Variants in DIP2C observed in about 807,000 individuals in gnomAD.
The protein encoded by DIP2C is disco-interacting protein 2 homolog C.
Under a neutral mutation model 192.4 loss-of-function variants are expected in DIP2C, and 33 were observed. The observed-to-expected ratio is 0.17, with a 90% CI of 0.13 to 0.23. The LOEUF (loss-of-function observed/expected upper bound fraction) is 0.23. Ranked by LOEUF, DIP2C falls within the 10% of genes least tolerant of loss-of-function variation. The pLI, the probability that DIP2C is intolerant of heterozygous loss-of-function variation, is 1.00. For missense variants in DIP2C, 1,537 were observed against 2,110.1 expected (o/e 0.73, Z 5.32); for synonymous variants, 979 against 864.1 (o/e 1.13, Z -2.33).
At chr10:674,787 T>TAGAGAGAGAG (rs1222152605) in intron 1 of DIP2C, among the ~76,000 whole-genome samples, 27 of 81,518 alleles carry the variant, frequency 3.3e-4, no homozygotes, top group Admixed American at 1.6e-3. Flanking sequence ...TATATATATA[T>TAGAGAGAGAG]ATAGAGAGAG....
At position 333,940 on chromosome 10, in the gene DIP2C, GTCT is replaced by G. The variant is rs573283078; in HGVS notation, c.3585-4342_3585-4340del. Among the ~76,000 whole-genome samples the G allele has an allele frequency of 8.0e-4, 122 of 152,288 alleles. 1 individual carries two copies. Among genetic ancestry groups the G allele is most frequent in the African/African-American group, 2.8e-3 (117 of 41,570 alleles). On this transcript the variant is annotated intron_variant, in intron 29 of 36. Coordinates refer to ENST00000280886, the MANE Select transcript of DIP2C (RefSeq NM_014974.3). ...TCACGTCCTTATTGGCCATTTGTAT[GTCT>G]TCTTCTGGTGAGATATCTATTCAGA...
intron 1 of DIP2C, among the ~76,000 whole-genome samples, chr10:617,900 C>T (rs1352267155): frequency 6.6e-6 from 1 of 150,568 alleles, no homozygotes; most frequent in Non-Finnish European, 1.5e-5. Flanking sequence ...GCACTAATAC[C>T]TCGTTTACAG....
At chr10:390,902 T>C (rs1316949643) in intron 10 of DIP2C, 39 bp from the exon 11 acceptor site, 2 of 1,607,864 alleles carry the variant, frequency 1.2e-6, no homozygotes, top group African/African-American at 1.3e-5. Flanking sequence ...ATCCACGACC[T>C]GCCCCACTCC....
At chr10:326,041 C>A (rs184339207) in intron 31 of DIP2C, among the ~76,000 whole-genome samples, 2 of 151,830 alleles carry the variant, frequency 1.3e-5, no homozygotes, top group Non-Finnish European at 2.9e-5. Context: ...ATTAGCCAGG[C>A]GTGGTGGTGT....
At chr10:617,848 G>A (rs899675579) in intron 1 of DIP2C, among the ~76,000 whole-genome samples, 1 of 152,180 alleles carries the variant, frequency 6.6e-6, no homozygotes, top group Non-Finnish European at 1.5e-5. Flanking sequence ...TGTCTGGGAG[G>A]CTCAAAAACT....
At chr10:411,367 G>T (rs1965174024) in intron 8 of DIP2C, among the ~76,000 whole-genome samples, 1 of 152,192 alleles carries the variant, frequency 6.6e-6, no homozygotes, top group African/African-American at 2.4e-5. Flanking sequence ...TTTTTATTAA[G>T]ATTATGAAAT....
chr10:329,056 A>C (rs1168408804), intron 30 of DIP2C, among the ~76,000 whole-genome samples: 1 of 152,234 alleles, frequency 6.6e-6, no homozygotes, highest in Non-Finnish European at 1.5e-5. Flanking sequence ...GTGAGCGGCT[A>C]AATTCAAACC....
chr10:457,824 G>A (rs967544202), intron 3 of DIP2C, among the ~76,000 whole-genome samples: 1 of 152,172 alleles, frequency 6.6e-6, no homozygotes, highest in African/African-American at 2.4e-5. Flanking sequence ...CAAAGTGCTG[G>A]CATTACAGGC....
At chr10:504,713 C>A (rs1845466607) in intron 1 of DIP2C, among the ~76,000 whole-genome samples, 1 of 152,256 alleles carries the variant, frequency 6.6e-6, no homozygotes, top group South Asian at 2.1e-4. Context: ...TTTAGTACAT[C>A]TTACTGTTTC....
intron 1 of DIP2C, chr10:628,879 G>A (rs1854349144): frequency 6.6e-6 from 1 of 152,500 alleles, no homozygotes; most frequent in Non-Finnish European, 1.5e-5. Flanking sequence ...CCAGATGCCA[G>A]GGGCACCCCC....
intron 31 of DIP2C, chr10:311,477 G>C (rs899948520): frequency 8.2e-7 from 1 of 1,221,292 alleles, no homozygotes; most frequent in Non-Finnish European, 1.0e-6. Flanking sequence ...GGCTGGATGC[G>C]GGCAAGGCAG....
At chr10:519,638 C>T (rs1359938992) in intron 1 of DIP2C, among the ~76,000 whole-genome samples, 1 of 152,276 alleles carries the variant, frequency 6.6e-6, no homozygotes, top group Non-Finnish European at 1.5e-5. Context: ...GCCCAGCAGT[C>T]ACCTACACTG....
In DIP2C at chr10:354,921, C is replaced by G. The variant is rs181834460; in HGVS notation, c.2985+1505G>C. On this transcript the variant is annotated intron_variant, in intron 24 of 36. Transcript: ENST00000280886. ...CTGGGAGAGGACAAAGTCAGACAAG[C>G]AGAGATGGGCAGGAAATCAAGACAG... is the stretch of plus-strand genomic sequence containing the variant. Among the ~76,000 whole-genome samples, 12 of 151,788 alleles carry G rather than the reference C, an allele frequency of 7.9e-5. No homozygotes were observed. In the East Asian group the frequency reaches 2.3e-3, roughly 30 times the overall value.
At position 580,264 on chromosome 10, in the gene DIP2C, G is replaced by A. The variant is rs752288556; in HGVS notation, c.86-93734C>T. On this transcript the variant is annotated intron_variant, in intron 1 of 36. Coordinates refer to ENST00000280886, the MANE Select transcript of DIP2C (RefSeq NM_014974.3). ...ATACATGTGTAAAGTATGTACATAT[G>A]CAGTACATAGTGTATGTACATATGC... Among the ~76,000 whole-genome samples the A allele has an allele frequency of 2.6e-5, 4 of 152,086 alleles. No homozygotes were observed. The South Asian group carries it at 6.2e-4, about 24-fold the overall frequency.
rs1456055189 is a variant in DIP2C at position 666,817 on chromosome 10, G to C, written c.85+22677C>G. On this transcript the variant is annotated intron_variant, in intron 1 of 36. Transcript: ENST00000280886. This position sits in a 1 kb window ranked among gnomAD's most constrained non-coding sequence, Gnocchi z 4.1. ...CCCCAGGCCTACGGGGACAGATGTA[G>C]CTCCCCAGGAAATACCACAGGCAGA... 1 of 152,304 alleles carries C rather than the reference G, an allele frequency of 6.6e-6. No individual in the cohort carries two copies. Among genetic ancestry groups the C allele is most frequent in the Non-Finnish European group, 1.5e-5 (1 of 68,152 alleles). The allele number at this position is 152,304 out of a possible 1,614,324, so 9.4% of individuals were successfully genotyped here.
At chr10:581,738 C>T (rs1308197022) in intron 1 of DIP2C, among the ~76,000 whole-genome samples, 1 of 152,066 alleles carries the variant, frequency 6.6e-6, no homozygotes, top group African/African-American at 2.4e-5. Context: ...TCAGTTCTAC[C>T]CGGTTCTGCC....
rs1213629573 is a variant in DIP2C, at chr10:414,737, G to GTATATATATATATATA, written c.860-628_860-627insTATATATATATATATA. On this transcript the variant is annotated intron_variant, in intron 7 of 36. Transcript: ENST00000280886. Reference sequence around the variant, plus strand: ...TGTGTGTGTGTGTGTGTGTGTGTGTGTGTACATATATATATATATAATGTG... The same window carrying GTATATATATATATATA: ...TGTGTGTGTGTGTGTGTGTGTGTGTGTATATATATATATATATGTACATATATATATATATAATGTG... Among the ~76,000 whole-genome samples, 148 of 55,788 alleles carry GTATATATATATATATA rather than the reference G, an allele frequency of 2.7e-3. 4 individuals carry two copies. Among genetic ancestry groups the GTATATATATATATATA allele is most frequent in the South Asian group, 6.4e-3 (7 of 1,100 alleles). The allele number at this position is 55,788 out of a possible 152,430, so 36.6% of individuals were successfully genotyped here.
chr10:285,130 CTG>C (rs71374352), intron 34 of DIP2C, among the ~76,000 whole-genome samples: 25,946 of 135,406 alleles, frequency 0.19, 2,693 homozygotes, highest in African/African-American at 0.29. Flanking sequence ...ATGTATGTGA[CTG>C]AGAGAGGTCA....
At chr10:330,163 ACTGACAGC>A (rs753062660) in intron 29 of DIP2C, among the ~76,000 whole-genome samples, 5 of 152,154 alleles carry the variant, frequency 3.3e-5, no homozygotes, top group Non-Finnish European at 5.9e-5. Flanking sequence ...GGTTTAGAAA[ACTGACAGC>A]CAGGGTGAAA....
Sources: allele counts gnomAD v4.1 joint callset (sites outside exome capture counted in the v4.1 genomes callset), GRCh38; gene constraint gnomAD v4.1.1; non-coding constraint Gnocchi (gnomAD v3.1); transcripts MANE v1.5; gene names NCBI Gene and HGNC (gene_info 2026-07-23, HGNC 2026-07-21).